Variants in CEP70 observed in about 807,000 individuals in gnomAD.
The protein encoded by CEP70 is centrosomal protein of 70 kDa.
CEP70 carries 70 observed loss-of-function variants against 90.9 expected under a neutral mutation model. The ratio of observed to expected loss-of-function variants is 0.77; its 90% CI spans 0.64 to 0.94. CEP70 has a LOEUF of 0.94. CEP70 is among the 40% of genes least tolerant of loss of function. The probability of loss-of-function intolerance (pLI) is 0.00; values close to 1 mark genes in which losing one functional copy is unlikely to be tolerated. For synonymous variants in CEP70, 220 were observed against 228.3 expected (o/e 0.96, Z 0.33); for missense variants, 648 against 669.0 (o/e 0.97, Z 0.35).
intron 2 of CEP70, among the ~76,000 whole-genome samples, chr3:138,577,975 A>G (rs1455495009): frequency 6.6e-6 from 1 of 152,258 alleles, no homozygotes; most frequent in African/African-American, 2.4e-5. Context: ...TCATCTCTGC[A>G]TCCCACATTA....
chr3:138,584,969 G>A (rs2042041228), intron 2 of CEP70, among the ~76,000 whole-genome samples: 1 of 151,920 alleles, frequency 6.6e-6, no homozygotes, highest in Non-Finnish European at 1.5e-5. Flanking sequence ...TAAAATCAGA[G>A]ATGAAAAAGG....
At chr3:138,541,443 C>T (rs1332079988) in intron 6 of CEP70, among the ~76,000 whole-genome samples, 1 of 150,756 alleles carries the variant, frequency 6.6e-6, no homozygotes, top group Admixed American at 6.6e-5. Context: ...AAAAAAAAAC[C>T]TGTCAACCAA....
chr3:138,558,131 G>A (rs1407047490), intron 6 of CEP70, among the ~76,000 whole-genome samples: 7 of 152,182 alleles, frequency 4.6e-5, no homozygotes, highest in East Asian at 1.9e-4. Flanking sequence ...TTGCGAGGCC[G>A]AGGCAGGCGG....
intron 6 of CEP70, among the ~76,000 whole-genome samples, chr3:138,566,033 G>A (rs1047916018): frequency 6.6e-6 from 1 of 152,098 alleles, no homozygotes; most frequent in African/African-American, 2.4e-5. Context: ...ACAGACACTT[G>A]TCAAAAGAAG....
Position 138,593,275 on chromosome 3 carries a change from T to C in CEP70, c.-109+923A>G, listed in dbSNP as rs190599834. ...TCTCGCTCCGTCACCCAGGCTGGAG[T>C]GCAGTGGCGCGATCTCGGCTCACAG... is the stretch of plus-strand genomic sequence containing the variant. On this transcript the variant is annotated intron_variant, in intron 1 of 17. Coordinates refer to ENST00000264982, the MANE Select transcript of CEP70 (RefSeq NM_024491.4). Among the ~76,000 whole-genome samples, 400 of 152,274 alleles carry C rather than the reference T, an allele frequency of 2.6e-3. 4 individuals are homozygous for C. The highest frequency in any genetic ancestry group is 4.2e-3 in the Non-Finnish European group (287 of 68,018).
rs2036662240 is a variant in CEP70, at chr3:138,521,698, T to C, written c.944+3792A>G. ...AGCGCCTCTGCCCGGCCGCCCCGTC[T>C]CGGGGGGTGGGGAGACCCTCTGCCC... On this transcript the variant is annotated intron_variant, in intron 11 of 17. Transcript: ENST00000264982. Among the ~76,000 whole-genome samples the C allele has an allele frequency of 2.1e-5, 3 of 143,502 alleles. 1 individual carries two copies. The highest frequency in any genetic ancestry group is 7.9e-5 in the African/African-American group (3 of 38,152). The allele number at this position is 143,502 out of a possible 152,430, so 94.1% of individuals were successfully genotyped here. A position where few individuals can be genotyped will look rare whatever the true frequency, so the allele number is the denominator to read the frequency against.
chr3:138,494,908 C>A lies in CEP70; in HGVS notation c.*107G>T. The A allele has an allele frequency of 1.5e-6, 1 of 657,786 alleles. No homozygotes were observed. The highest frequency in any genetic ancestry group is 1.8e-5 in the South Asian group (1 of 56,702). The allele number at this position is 657,786 out of a possible 1,614,324, so 40.7% of individuals were successfully genotyped here. ...CCTAATACTAAGAAGGGGATGAATT[C>A]TGAGAGCAAATACATTTTACAACCC... is the stretch of plus-strand genomic sequence containing the variant. On this transcript the variant is annotated 3_prime_UTR_variant, in exon 18 of 18. Transcript: ENST00000264982.
chr3:138,559,762 A>T (rs1206650685), intron 6 of CEP70, among the ~76,000 whole-genome samples: 6 of 152,172 alleles, frequency 3.9e-5, no homozygotes, highest in Admixed American at 3.9e-4. Flanking sequence ...AAGGAGAAAA[A>T]TATTAAAGGT....
At chr3:138,579,775 G>C (rs550471185) in intron 2 of CEP70, among the ~76,000 whole-genome samples, 1 of 151,972 alleles carries the variant, frequency 6.6e-6, no homozygotes, top group East Asian at 2.0e-4. Context: ...CTTCAGCTGT[G>C]ATCCAGCACA....
chr3:138,528,383 G>A (rs1350951086), intron 10 of CEP70, among the ~76,000 whole-genome samples: 1 of 152,006 alleles, frequency 6.6e-6, no homozygotes, highest in Non-Finnish European at 1.5e-5. Context: ...CTTCACTGTG[G>A]ACTCCTATTT....
chr3:138,497,281 A>G (rs1222783943), intron 17 of CEP70: 5 of 1,267,396 alleles, frequency 3.9e-6, no homozygotes, highest in Non-Finnish European at 5.1e-6. Context: ...TCATTCCCTT[A>G]TTTTCATACC....
At chr3:138,582,651 CT>C (rs1462016363) in intron 2 of CEP70, among the ~76,000 whole-genome samples, 3 of 151,628 alleles carry the variant, frequency 2.0e-5, no homozygotes, top group African/African-American at 7.3e-5. Flanking sequence ...GTAGTCCCAG[CT>C]ACTCGGGAGG....
chr3:138,510,619 CAT>C (rs1374128252), intron 11 of CEP70, among the ~76,000 whole-genome samples: 1 of 152,104 alleles, frequency 6.6e-6, no homozygotes, highest in East Asian at 1.9e-4. Flanking sequence ...GTTAATGAGT[CAT>C]AGAGTCAGTT....
intron 6 of CEP70, among the ~76,000 whole-genome samples, chr3:138,556,493 A>G (rs2040012612): frequency 7.5e-6 from 1 of 132,672 alleles, no homozygotes; most frequent in African/African-American, 2.9e-5. Context: ...GTGCCACTGC[A>G]CTCCAGCCTG....
intron 3 of CEP70, 108 bp downstream of exon 3, chr3:138,572,751 A>G: frequency 1.3e-6 from 1 of 788,472 alleles, no homozygotes; most frequent in Non-Finnish European, 2.2e-6. Flanking sequence ...GCATTTCCTA[A>G]AATTATTTGA....
chr3:138,545,935 A>G (rs995845456), intron 6 of CEP70, among the ~76,000 whole-genome samples: 1 of 152,172 alleles, frequency 6.6e-6, no homozygotes, highest in Admixed American at 6.5e-5. Flanking sequence ...ATATGTGCAC[A>G]GCTGAACACA....
At chr3:138,573,400 GA>G (rs199516304) in intron 2 of CEP70, among the ~76,000 whole-genome samples, 2 of 146,870 alleles carry the variant, frequency 1.4e-5, no homozygotes, top group African/African-American at 2.5e-5. Context: ...AAAGAAAAAA[GA>G]AAAAAAAAGT....
At position 138,505,561 on chromosome 3, in the gene CEP70, T is replaced by A. The variant is rs1484179439; in HGVS notation, c.1051-96A>T. ...GTGCTTTATGTCTATATATATTATATACACATATTTCATTAAATATACAAA... is the reference window on the plus strand; with the variant it reads ...GTGCTTTATGTCTATATATATTATAAACACATATTTCATTAAATATACAAA... On this transcript the variant is annotated intron_variant, in intron 12 of 17. Transcript: ENST00000264982. 7 of 655,856 alleles carry A rather than the reference T, an allele frequency of 1.1e-5. No individual in the cohort carries two copies. In the East Asian group the frequency reaches 2.3e-4, roughly 22 times the overall value. 40.6% of individuals were successfully genotyped at this position (655,856 alleles called of 1,614,324 possible). A position where few individuals can be genotyped will look rare whatever the true frequency, so the allele number is the denominator to read the frequency against.
intron 11 of CEP70, among the ~76,000 whole-genome samples, chr3:138,524,725 C>T (rs1220053897): frequency 1.3e-5 from 2 of 152,226 alleles, no homozygotes; most frequent in East Asian, 3.9e-4. Context: ...TACCATCTCA[C>T]ACCAGTTAGA....
Sources: allele counts gnomAD v4.1 joint callset (sites outside exome capture counted in the v4.1 genomes callset), GRCh38; gene constraint gnomAD v4.1.1; transcripts MANE v1.5; gene names NCBI Gene and HGNC (gene_info 2026-07-23, HGNC 2026-07-21).